The following LARGE1 variants were observed in gnomAD, a reference collection of about 807,000 sequenced individuals.
LARGE1 encodes the protein LARGE xylosyl- and glucuronyltransferase 1.
A neutral mutation model predicts 87.6 loss-of-function variants in LARGE1; 43 were observed. The ratio of observed to expected loss-of-function variants is 0.49; its 90% CI spans 0.38 to 0.63. LARGE1 has a LOEUF of 0.63. Among genes scored for constraint, LARGE1 ranks in the 30% least tolerant of loss-of-function variants. The pLI is 0.00. For synonymous variants in LARGE1, 434 were observed against 394.6 expected, an observed-to-expected ratio of 1.10 and a Z score of -1.18; for missense variants, 802 against 1,000.2, an observed-to-expected ratio of 0.80 and a Z score of 2.67.
chr22:33,217,069 A>G (rs1421091707), intron 11 of LARGE1, among the ~76,000 whole-genome samples: 1 of 152,222 alleles, frequency 6.6e-6, no homozygotes, highest in Non-Finnish European at 1.5e-5. Flanking sequence ...ATGAAGGCTA[A>G]TCAACAAGGA....
At chr22:33,076,470 AT>A in the LARGE1 span, among the ~76,000 whole-genome samples, 1 of 152,170 alleles carries the variant, frequency 6.6e-6, no homozygotes. Flanking sequence ...TTCTGAAGAT[AT>A]TTTTGAGTAC....
chr22:33,180,588 T>C (rs539694630), intron 11 of LARGE1, among the ~76,000 whole-genome samples: 6 of 152,326 alleles, frequency 3.9e-5, no homozygotes, highest in South Asian at 2.1e-4. Flanking sequence ...GCCAAGAGAA[T>C]TGGAAACATA....
intron 1 of LARGE1, among the ~76,000 whole-genome samples, chr22:33,839,215 G>T (rs1442987023): frequency 2.0e-5 from 3 of 152,202 alleles, no homozygotes; most frequent in East Asian, 1.9e-4. Flanking sequence ...ATGGTGGGAG[G>T]TAAAAGAGGA....
intron 6 of LARGE1, among the ~76,000 whole-genome samples, chr22:33,508,951 A>G (rs983089702): frequency 6.6e-6 from 1 of 152,212 alleles, no homozygotes; most frequent in African/African-American, 2.4e-5. Context: ...TACCCTGGTG[A>G]CAAGTGCTGG....
intron 2 of LARGE1, among the ~76,000 whole-genome samples, chr22:33,661,319 G>A (rs111742459): frequency 0.022 from 3,280 of 151,492 alleles, 112 homozygotes; most frequent in African/African-American, 0.076. Context: ...AGGTTCAAGC[G>A]ATTCCCTTGC....
intron 1 of LARGE1, among the ~76,000 whole-genome samples, chr22:33,831,712 C>G (rs1376974248): frequency 6.6e-6 from 1 of 151,884 alleles, no homozygotes; most frequent in Non-Finnish European, 1.5e-5. Flanking sequence ...GTGGAAGCTA[C>G]AGGGTCAGGT....
intron 12 of LARGE1, among the ~76,000 whole-genome samples, chr22:33,284,679 G>A (rs1469118740): frequency 1.3e-5 from 2 of 152,108 alleles, no homozygotes; most frequent in Non-Finnish European, 2.9e-5. Flanking sequence ...CCGGGTTCAA[G>A]CGATTCTCCT....
rs556567457 is a variant in LARGE1, at chr22:33,651,323, C to T, written c.107-655G>A. Among the ~76,000 whole-genome samples the T allele has an allele frequency of 4.3e-3, 542 of 127,264 alleles. 4 individuals carry two copies. Among genetic ancestry groups the T allele is most frequent in the African/African-American group, 0.015 (515 of 33,350 alleles). 83.5% of individuals were successfully genotyped at this position (127,264 alleles called of 152,430 possible). A position where few individuals can be genotyped will look rare whatever the true frequency, so the allele number is the denominator to read the frequency against. On this transcript the variant is annotated intron_variant, in intron 2 of 14. Coordinates refer to ENST00000397394, the MANE Select transcript of LARGE1 (RefSeq NM_133642.5). ...AGGATAATGGCAAGAACCCGGGAGG[C>T]GGAGCTTGCAGTGAGCCGAGATCGC...
intron 1 of LARGE1, among the ~76,000 whole-genome samples, chr22:33,836,482 AC>A (rs1204349984): frequency 6.6e-6 from 1 of 152,154 alleles, no homozygotes; most frequent in East Asian, 1.9e-4. Flanking sequence ...CTTCCTGCAC[AC>A]CAAGAACCCT....
chr22:33,239,866 T>C (rs1275476780), intron 11 of LARGE1, among the ~76,000 whole-genome samples: 1 of 152,162 alleles, frequency 6.6e-6, no homozygotes, highest in African/African-American at 2.4e-5. Flanking sequence ...GCTTTGCATT[T>C]TCTTTTAGAT....
intron 5 of LARGE1, among the ~76,000 whole-genome samples, chr22:33,582,030 G>A (rs1188355672): frequency 6.6e-6 from 1 of 152,116 alleles, no homozygotes; most frequent in Non-Finnish European, 1.5e-5. Flanking sequence ...CCTAGAGCGT[G>A]GGGTCACCCC....
At chr22:33,694,724 G>A (rs2082192846) in intron 2 of LARGE1, among the ~76,000 whole-genome samples, 1 of 152,042 alleles carries the variant, frequency 6.6e-6, no homozygotes, top group Admixed American at 6.6e-5. Context: ...GACAGGAGGG[G>A]GAAGGGAGGG....
chr22:33,761,606 T>C, intron 1 of LARGE1, 48 bp from the exon 2 acceptor site: 1 of 739,736 alleles, frequency 1.4e-6, no homozygotes. Flanking sequence ...GCACTGGAGA[T>C]GGGTGTAAGT....
At chr22:33,234,131 G>A (rs769212601) in intron 11 of LARGE1, among the ~76,000 whole-genome samples, 8 of 152,226 alleles carry the variant, frequency 5.3e-5, no homozygotes, top group Non-Finnish European at 1.2e-4. Context: ...TCAACAAGGA[G>A]TCTCTGCTCA....
the LARGE1 span, among the ~76,000 whole-genome samples, chr22:33,152,274 A>T: frequency 6.6e-6 from 1 of 152,216 alleles, no homozygotes; most frequent in Non-Finnish European, 1.5e-5. Flanking sequence ...CTACAGTGAC[A>T]TTTTGATTGA....
At chr22:33,360,379 C>G (rs995409443) in intron 9 of LARGE1, among the ~76,000 whole-genome samples, 1 of 149,484 alleles carries the variant, frequency 6.7e-6, no homozygotes, top group African/African-American at 2.5e-5. Flanking sequence ...GCTCATGGTT[C>G]TGCAGGCTGT....
At chr22:33,852,326 C>A (rs5749682) in intron 1 of LARGE1, among the ~76,000 whole-genome samples, 26,733 of 151,730 alleles carry the variant, frequency 0.18, 2,944 homozygotes, top group East Asian at 0.4. Context: ...TTTTTTCCTG[C>A]CATCAACTGT....
chr22:33,700,279 G>A (rs1352180900), intron 2 of LARGE1, among the ~76,000 whole-genome samples: 1 of 152,180 alleles, frequency 6.6e-6, no homozygotes. Context: ...TCATTCTGAT[G>A]CATGCTGGAG....
chr22:33,113,487 G>A, the LARGE1 span, among the ~76,000 whole-genome samples: 2 of 152,316 alleles, frequency 1.3e-5, no homozygotes, highest in Admixed American at 1.3e-4. Flanking sequence ...GATTACAGGC[G>A]TGAGCCACTG....
Sources: gnomAD v4.1 joint callset for allele counts (sites outside exome capture counted in the v4.1 genomes callset) on GRCh38, gnomAD v4.1.1 for gene constraint, MANE v1.5 for transcripts, NCBI Gene and HGNC (gene_info 2026-07-23, HGNC 2026-07-21) for gene names.